KDM4B: variants seen among roughly 807,000 people sequenced by gnomAD.
KDM4B encodes the protein lysine demethylase 4B.
In KDM4B, 32 loss-of-function variants were observed where a neutral mutation model predicts 125.2. That is an observed-to-expected ratio of 0.26 (90% CI 0.19 to 0.34). The LOEUF is 0.34. KDM4B is among the 10% of genes least tolerant of loss of function. KDM4B has a pLI of 1.00. For missense variants in KDM4B, 1,190 were observed against 1,577.7 expected (o/e 0.75, Z 4.16); for synonymous variants, 721 against 677.9 (o/e 1.06, Z -0.99).
chr19:5,087,415 C>T (rs1035815281), intron 9 of KDM4B, among the ~76,000 whole-genome samples: 2 of 152,238 alleles, frequency 1.3e-5, no homozygotes, highest in Admixed American at 6.5e-5. Context: ...TGTCATGGAC[C>T]TGCTCCCCTC....
In KDM4B at chr19:5,120,313, A is replaced by G. The variant is rs186523621; in HGVS notation, c.1315+461A>G. Among the ~76,000 whole-genome samples the G allele has an allele frequency of 1.6e-3, 245 of 152,356 alleles. No homozygotes were observed. The Middle Eastern group carries it at 0.02, about 13-fold the overall frequency. ...CAACCTGGGCAACAGAGCAAGACCC[A>G]GTATCACAAAAATAATAATAATAAT... is the stretch of plus-strand genomic sequence containing the variant. On this transcript the variant is annotated intron_variant, in intron 11 of 22. Transcript: ENST00000159111.
At position 5,007,139 on chromosome 19, in the gene KDM4B, C is replaced by T. The variant is rs144486506; in HGVS notation, c.-108-9118C>T. 2.1e-3 allele frequency among the ~76,000 whole-genome samples: 323 copies of T among 152,356 alleles called. 1 individual carries two copies. The highest frequency in any genetic ancestry group is 7.3e-3 in the African/African-American group (305 of 41,592). The stretch of plus-strand genomic sequence containing the variant: ...TCCCTCGTGAGCACCCCCTGCCAAC[C>T]TCCATCTCCCATTTGAGAGTTGGGG... On this transcript the variant is annotated intron_variant, in intron 1 of 22. Transcript: ENST00000159111.
At chr19:5,119,050 C>T in intron 10 of KDM4B, 1 of 972,150 alleles carries the variant, frequency 1.0e-6, no homozygotes, top group Non-Finnish European at 1.6e-6. Flanking sequence ...GCCAGGTGGC[C>T]AGGACCAGGC....
At chr19:5,064,299 T>C (rs2037698153) in intron 6 of KDM4B, among the ~76,000 whole-genome samples, 1 of 152,228 alleles carries the variant, frequency 6.6e-6, no homozygotes, top group African/African-American at 2.4e-5. Flanking sequence ...TCCCTCATTC[T>C]GTGTCTGCGA....
Position 4,997,719 on chromosome 19 carries a change from C to CAA in KDM4B, c.-108-18537_-108-18536insAA, listed in dbSNP as rs1329644110. On this transcript the variant is annotated intron_variant, in intron 1 of 22. Transcript: ENST00000159111. The surrounding 1 kb of genome is among the most constrained non-coding windows in gnomAD (Gnocchi z 4.2). Reference sequence around the variant, plus strand: ...GGGCTGGTCAGCCATGCCAGGCACTCAGAGTCATGCCTGCATGGGGGCTCC... The same window carrying CAA: ...GGGCTGGTCAGCCATGCCAGGCACTCAAAGAGTCATGCCTGCATGGGGGCTCC... Among the ~76,000 whole-genome samples, 4 of 152,372 alleles carry CAA rather than the reference C, an allele frequency of 2.6e-5. No individual in the cohort carries two copies. In the East Asian group the frequency reaches 7.7e-4, roughly 29 times the overall value.
At chr19:5,101,863 C>T (rs2038942244) in intron 9 of KDM4B, among the ~76,000 whole-genome samples, 1 of 152,172 alleles carries the variant, frequency 6.6e-6, no homozygotes, top group Non-Finnish European at 1.5e-5. Context: ...CAGGGAGTAG[C>T]CCTCCAGCCT....
rs1264655767 is a variant in KDM4B at position 5,089,801 on chromosome 19, A to G, written c.918+7297A>G. ...GCCATTCCTAGGTGCTTCTTGAGCAAGCACCCCACAGTTCCCAAGTGGAAA... is the reference window on the plus strand; with the variant it reads ...GCCATTCCTAGGTGCTTCTTGAGCAGGCACCCCACAGTTCCCAAGTGGAAA... On this transcript the variant is annotated intron_variant, in intron 9 of 22. Coordinates refer to ENST00000159111, the MANE Select transcript of KDM4B (RefSeq NM_015015.3). Among the ~76,000 whole-genome samples the G allele has an allele frequency of 5.3e-5, 8 of 151,836 alleles. No homozygotes were observed. In the East Asian group the frequency reaches 1.5e-3, roughly 29 times the overall value.
rs536727694 is a variant in KDM4B, at chr19:5,008,183, A to G, written c.-108-8074A>G. Among the ~76,000 whole-genome samples the G allele has an allele frequency of 2.7e-3, 412 of 152,368 alleles. 1 individual carries two copies. Among genetic ancestry groups the G allele is most frequent in the Non-Finnish European group, 5.1e-3 (349 of 68,044 alleles). On this transcript the variant is annotated intron_variant, in intron 1 of 22. Coordinates refer to ENST00000159111, the MANE Select transcript of KDM4B (RefSeq NM_015015.3). ...GATCTATGACCTATTTGGAATTAGT[A>G]TAAATATATGGTGTGAGGTAAGGGT... is the stretch of plus-strand genomic sequence containing the variant.
At chr19:4,978,319 C>T (rs2034519927) in intron 1 of KDM4B, among the ~76,000 whole-genome samples, 1 of 151,744 alleles carries the variant, frequency 6.6e-6, no homozygotes, top group Admixed American at 6.6e-5. Flanking sequence ...CCAGCCTGGC[C>T]AACGTGGTGA....
chr19:5,111,882 T>C (rs752482672), intron 10 of KDM4B: 2 of 754,638 alleles, frequency 2.7e-6, no homozygotes, highest in South Asian at 1.3e-5. Context: ...AAGCTTTGTT[T>C]ACAGACCCTG....
At chr19:4,969,414 C>G (rs2034164673) in intron 1 of KDM4B, among the ~76,000 whole-genome samples, 184 bp downstream of exon 1, 2 of 147,168 alleles carry the variant, frequency 1.4e-5, no homozygotes, top group Non-Finnish European at 3.0e-5. Flanking sequence ...GCGTTAACCG[C>G]CCGGCCCGGG....
Position 5,144,893 on chromosome 19 carries a change from C to T in KDM4B, c.3012C>T (p.His1004=), listed in dbSNP as rs367957875. The T allele has an allele frequency of 1.9e-5, 30 of 1,613,314 alleles. 1 individual carries two copies. In the South Asian group the frequency reaches 3.0e-4, roughly 16 times the overall value. ...KAKFISSVTS[H]IYQVEFEDGS... ...AGTTCATCTCCTCCGTCACCAGCCA[C>T]ATCTACCAGGTAAGCGGGGGATCTG... is the stretch of plus-strand genomic sequence containing the variant. Residue 1004 remains histidine, a synonymous_variant, in exon 21 of 23, where the codon CAC becomes CAT. Coordinates refer to ENST00000159111, the MANE Select transcript of KDM4B (RefSeq NM_015015.3).
At chr19:5,055,215 G>A (rs969888590) in intron 6 of KDM4B, among the ~76,000 whole-genome samples, 3 of 152,208 alleles carry the variant, frequency 2.0e-5, no homozygotes, top group African/African-American at 7.2e-5. Flanking sequence ...ACACCTCTCG[G>A]CCAGGGTGAC....
chr19:4,970,839 C>G (rs1043372939), intron 1 of KDM4B, among the ~76,000 whole-genome samples: 5 of 152,134 alleles, frequency 3.3e-5, no homozygotes, highest in Admixed American at 2.6e-4. Flanking sequence ...CTGTCTGAGC[C>G]GAGGATTTCT....
At chr19:4,993,013 A>G (rs1318264370) in intron 1 of KDM4B, among the ~76,000 whole-genome samples, 6 of 152,188 alleles carry the variant, frequency 3.9e-5, no homozygotes, top group Admixed American at 6.5e-5. Flanking sequence ...AGAATGTTCC[A>G]TATGTACTGA....
Position 5,142,057 on chromosome 19 carries a change from C to T in KDM4B, c.2551-1910C>T, listed in dbSNP as rs1236171084. On this transcript the variant is annotated intron_variant, in intron 18 of 22. Coordinates refer to ENST00000159111, the MANE Select transcript of KDM4B (RefSeq NM_015015.3). This position sits in a 1 kb window ranked among gnomAD's most constrained non-coding sequence, Gnocchi z 5.4. Reference sequence around the variant, plus strand: ...AGTGTGTGACAGGCTGAGGACACAGCTTCATGGGTGGTACCTAGCGGTGAC... The same window carrying T: ...AGTGTGTGACAGGCTGAGGACACAGTTTCATGGGTGGTACCTAGCGGTGAC... 6.6e-6 allele frequency among the ~76,000 whole-genome samples: 1 copy of T among 152,162 alleles called. No individual in the cohort carries two copies. Among genetic ancestry groups the T allele is most frequent in the Admixed American group, 6.5e-5 (1 of 15,280 alleles).
At chr19:5,108,982 C>T (rs1477124218) in intron 9 of KDM4B, among the ~76,000 whole-genome samples, 1 of 152,136 alleles carries the variant, frequency 6.6e-6, no homozygotes, top group Non-Finnish European at 1.5e-5. Flanking sequence ...GCTACTTTGT[C>T]CCCTAGAATC....
intron 9 of KDM4B, among the ~76,000 whole-genome samples, chr19:5,101,040 G>A (rs909105960): frequency 6.6e-6 from 1 of 151,254 alleles, no homozygotes; most frequent in Admixed American, 6.6e-5. Context: ...GGCCAACATG[G>A]TGAAACCCTG....
intron 1 of KDM4B, among the ~76,000 whole-genome samples, chr19:4,995,806 G>A (rs539617169): frequency 8.5e-5 from 13 of 152,172 alleles, no homozygotes; most frequent in Admixed American, 2.6e-4. Flanking sequence ...TATGGTTGGC[G>A]TGTGAACTAC....
Sources: allele counts gnomAD v4.1 joint callset (sites outside exome capture counted in the v4.1 genomes callset), GRCh38; gene constraint gnomAD v4.1.1; non-coding constraint Gnocchi (gnomAD v3.1); transcripts MANE v1.5; gene names NCBI Gene and HGNC (gene_info 2026-07-23, HGNC 2026-07-21).